Variants in SMURF2 observed in about 807,000 individuals in gnomAD.
The protein encoded by SMURF2 is SMAD specific E3 ubiquitin protein ligase 2.
A neutral mutation model predicts 109.6 loss-of-function variants in SMURF2; 48 were observed. That is an observed-to-expected ratio of 0.44 (90% CI 0.35 to 0.56). The LOEUF is 0.56. Ranked by LOEUF, SMURF2 falls within the 20% of genes least tolerant of loss-of-function variation. The pLI is 0.01. For synonymous variants in SMURF2, 288 were observed against 317.1 expected (o/e 0.91, Z 0.97); for missense variants, 575 against 909.0 (o/e 0.63, Z 4.72).
chr17:64,626,217 C>A (rs968809046), intron 1 of SMURF2, among the ~76,000 whole-genome samples: 1 of 150,130 alleles, frequency 6.7e-6, no homozygotes, highest in African/African-American at 2.5e-5. Context: ...CGAGATCATG[C>A]CACTACACTC....
intron 2 of SMURF2, among the ~76,000 whole-genome samples, chr17:64,604,920 G>T (rs191820931): frequency 8.6e-5 from 13 of 151,938 alleles, no homozygotes; most frequent in African/African-American, 3.1e-4. Flanking sequence ...CTCCAGCCTG[G>T]GCAACAGAGT....
chr17:64,562,207 C>A (rs1374929783), intron 11 of SMURF2, among the ~76,000 whole-genome samples: 1 of 136,224 alleles, frequency 7.3e-6, no homozygotes, highest in African/African-American at 2.8e-5. Context: ...GCAGGAGAAT[C>A]GCTTGAACCC....
chr17:64,561,186 A>G (rs1969211976), intron 12 of SMURF2, among the ~76,000 whole-genome samples: 1 of 152,116 alleles, frequency 6.6e-6, no homozygotes. Flanking sequence ...CAGGTTATAT[A>G]TCATTTAAAT....
chr17:64,574,420 G>C (rs1969459257), intron 9 of SMURF2, among the ~76,000 whole-genome samples: 1 of 152,136 alleles, frequency 6.6e-6, no homozygotes, highest in Non-Finnish European at 1.5e-5. Flanking sequence ...TTGTTTTAAA[G>C]AGAAATGCAA....
At chr17:64,632,459 C>T (rs1420966545) in intron 1 of SMURF2, among the ~76,000 whole-genome samples, 1 of 152,128 alleles carries the variant, frequency 6.6e-6, no homozygotes, top group Admixed American at 6.5e-5. Flanking sequence ...AAATGTGTGT[C>T]TATTAAACCA....
At chr17:64,634,028 C>T (rs2144712998) in intron 1 of SMURF2, among the ~76,000 whole-genome samples, 1 of 152,224 alleles carries the variant, frequency 6.6e-6, no homozygotes, top group South Asian at 2.1e-4. Context: ...GTGGTGCGCG[C>T]CTGTAATCCC....
intron 1 of SMURF2, among the ~76,000 whole-genome samples, chr17:64,614,138 C>T (rs1555689906): frequency 6.6e-6 from 1 of 152,144 alleles, no homozygotes; most frequent in East Asian, 1.9e-4. Context: ...GGCTCATCTC[C>T]TGCTGTGCAG....
intron 10 of SMURF2, among the ~76,000 whole-genome samples, chr17:64,563,807 C>T (rs1249818205): frequency 6.6e-6 from 1 of 152,058 alleles, no homozygotes; most frequent in Admixed American, 6.6e-5. Context: ...CAGGGTCTTG[C>T]TATATTGCCC....
At chr17:64,566,632 C>G (rs1430059874) in intron 10 of SMURF2, among the ~76,000 whole-genome samples, 2 of 118,032 alleles carry the variant, frequency 1.7e-5, no homozygotes, top group East Asian at 5.6e-4. Context: ...AGTGCAGTGG[C>G]GCAATCTCCG....
intron 2 of SMURF2, among the ~76,000 whole-genome samples, chr17:64,601,585 T>G (rs1969896741): frequency 1.3e-5 from 2 of 152,200 alleles, no homozygotes; most frequent in Middle Eastern, 3.4e-3. Flanking sequence ...AGGGAACACT[T>G]TTACACGGCT....
At chr17:64,617,525 G>A (rs1970142650) in intron 1 of SMURF2, among the ~76,000 whole-genome samples, 1 of 151,972 alleles carries the variant, frequency 6.6e-6, no homozygotes, top group South Asian at 2.1e-4. Context: ...CTGTCACTTA[G>A]GCTGGAATGG....
At chr17:64,636,330 C>T (rs1349794977) in intron 1 of SMURF2, among the ~76,000 whole-genome samples, 2 of 152,070 alleles carry the variant, frequency 1.3e-5, no homozygotes, top group Non-Finnish European at 2.9e-5. Context: ...AGGCCGGGTG[C>T]GGTGGCTCAC....
intron 3 of SMURF2, among the ~76,000 whole-genome samples, chr17:64,596,797 T>C (rs1454110281): frequency 6.6e-6 from 1 of 151,880 alleles, no homozygotes; most frequent in Admixed American, 6.6e-5. Context: ...ACTGAATATA[T>C]GGAGAAAAGA....
intron 1 of SMURF2, among the ~76,000 whole-genome samples, chr17:64,633,590 C>G (rs1312290536): frequency 1.1e-4 from 17 of 152,086 alleles, no homozygotes; most frequent in African/African-American, 4.1e-4. Context: ...AGTTTAAATT[C>G]CAGGATTCAA....
At chr17:64,626,223 C>T (rs1970267114) in intron 1 of SMURF2, among the ~76,000 whole-genome samples, 1 of 146,004 alleles carries the variant, frequency 6.8e-6, no homozygotes, top group South Asian at 2.2e-4. Flanking sequence ...CATGCCACTA[C>T]ACTCCAGGCT....
intron 15 of SMURF2, among the ~76,000 whole-genome samples, chr17:64,552,383 A>G (rs554705779): frequency 1.3e-5 from 2 of 152,356 alleles, no homozygotes; most frequent in South Asian, 4.1e-4. Context: ...CATGCATCAC[A>G]GAACTTACTC....
At position 64,544,666 on chromosome 17, in the gene SMURF2, T is replaced by C. The variant is rs1968920166; in HGVS notation, c.*1182A>G. 6.6e-6 allele frequency: 1 copy of C among 152,174 alleles called. No homozygotes were observed. Among genetic ancestry groups the C allele is most frequent in the Non-Finnish European group, 1.5e-5 (1 of 68,030 alleles). The allele number at this position is 152,174 out of a possible 1,614,324, so 9.4% of individuals were successfully genotyped here. On this transcript the variant is annotated 3_prime_UTR_variant, in exon 19 of 19. Coordinates refer to ENST00000262435, the MANE Select transcript of SMURF2 (RefSeq NM_022739.4). ...TTCCAAAATGAACTCTTCAAAGTAA[T>C]TTACGCCATAGAGTTAGAATCACTG...
At position 64,620,642 on chromosome 17, in the gene SMURF2, T is replaced by C. The variant is rs1555690541; in HGVS notation, c.53-14002A>G. ...TCTGACTCTCCTTTTTCAGTCTGAT[T>C]TTGATCTCTTCCTTCCCGTGAACCT... On this transcript the variant is annotated intron_variant, in intron 1 of 18. Transcript: ENST00000262435. Among the ~76,000 whole-genome samples the C allele has an allele frequency of 3.9e-5, 6 of 152,344 alleles. No homozygotes were observed. In the South Asian group the frequency reaches 1.2e-3, roughly 32 times the overall value.
At chr17:64,627,435 G>GACACTTTGCTAAAC (rs1389835854) in intron 1 of SMURF2, among the ~76,000 whole-genome samples, 6 of 152,124 alleles carry the variant, frequency 3.9e-5, no homozygotes, top group Non-Finnish European at 8.8e-5. Flanking sequence ...TAAGTTTTGA[G>GACACTTTGCTAAAC]ACACTTTGCT....
Sources: allele counts gnomAD v4.1 joint callset (sites outside exome capture counted in the v4.1 genomes callset), GRCh38; gene constraint gnomAD v4.1.1; transcripts MANE v1.5; gene names NCBI Gene and HGNC (gene_info 2026-07-23, HGNC 2026-07-21).